Variants in CASC3 observed in about 807,000 individuals in gnomAD.
The protein encoded by CASC3 is CASC3 exon junction complex subunit.
A neutral mutation model predicts 80.5 loss-of-function variants in CASC3; 30 were observed. That is an observed-to-expected ratio of 0.37 (90% CI 0.28 to 0.51). CASC3 has a LOEUF of 0.51. Ranked by LOEUF, CASC3 falls within the 20% of genes least tolerant of loss-of-function variation. CASC3 has a pLI of 0.94. For missense variants in CASC3, 824 were observed against 922.2 expected (o/e 0.89, Z 1.38); for synonymous variants, 312 against 333.6 (o/e 0.94, Z 0.70).
intron 7 of CASC3, among the ~76,000 whole-genome samples, chr17:40,165,943 T>C (rs1182843939): frequency 6.6e-6 from 1 of 150,550 alleles, no homozygotes; most frequent in African/African-American, 2.5e-5. Context: ...TTTTTTTTAT[T>C]TTTTGAAAAG....
At chr17:40,167,797 T>G in intron 9 of CASC3, 53 bp from the exon 10 acceptor site, 1 of 1,498,266 alleles carries the variant, frequency 6.7e-7, no homozygotes, top group Admixed American at 1.7e-5. Flanking sequence ...ACAAGGAGAC[T>G]TGTCCATGTG....
chr17:40,140,721 C>T lies in CASC3; in HGVS notation c.173C>T (p.Ala58Val), dbSNP rs1027042678. The T allele has an allele frequency of 5.1e-6, 8 of 1,557,744 alleles. No individual in the cohort carries two copies. In the African/African-American group the frequency reaches 9.6e-5, roughly 19 times the overall value. Residue 58 changes from alanine (A) to valine (V), a missense_variant, in exon 1 of 14, where the codon GCC becomes GTC. Ala to Val is a moderately conservative substitution (Grantham distance 64). Around this residue, in one of 3 missense-constraint regions of CASC3, gnomAD observed 159 missense variants for 122.2 expected, o/e 1.30. Coordinates refer to ENST00000264645, the MANE Select transcript of CASC3 (RefSeq NM_007359.5). Reference protein sequence around the residue: ...LPSQRGGRTGALHLRRVESGG... With the variant: ...LPSQRGGRTGVLHLRRVESGG... ...TCACAGCGCGGAGGCCGAACCGGGG[C>T]CCTTCATCTGCGGCGGGTGGAGAGC...
intron 3 of CASC3, among the ~76,000 whole-genome samples, chr17:40,142,627 G>C (rs149186891): frequency 6.6e-6 from 1 of 152,082 alleles, no homozygotes; most frequent in Admixed American, 6.6e-5. Context: ...GGTGGCTCAC[G>C]CCTATAATCC....
intron 10 of CASC3, 68 bp downstream of exon 10, chr17:40,168,016 C>T: frequency 6.7e-7 from 1 of 1,489,190 alleles, no homozygotes; most frequent in Non-Finnish European, 9.4e-7. Context: ...GCCACAAAAC[C>T]CATCCTCCTG....
chr17:40,140,662 T>C lies in CASC3; in HGVS notation c.114T>C (p.Gly38=), dbSNP rs1322064379. 5 of 1,605,430 alleles carry C rather than the reference T, an allele frequency of 3.1e-6. No individual in the cohort carries two copies. In the South Asian group the frequency reaches 4.4e-5, roughly 14 times the overall value. ...TGCGGGGAGGCGGGAGCTGCAGCGG[T>C]AGCGCCGGAGGCGGCGGCAGCGGCT... is the stretch of plus-strand genomic sequence containing the variant. The part of the protein sequence containing the change: ...SPLRGGGSCS[G]SAGGGGSGSL... Residue 38 remains glycine (G), a synonymous_variant, in exon 1 of 14, where the codon GGT becomes GGC. Transcript: ENST00000264645.
rs746695725 is a variant in CASC3 at position 40,164,182 on chromosome 17, T to C, written c.1471+16T>C. 1.8e-5 allele frequency: 28 copies of C among 1,571,656 alleles called. No individual in the cohort carries two copies. The South Asian group carries it at 2.7e-4, about 15-fold the overall frequency. On this transcript the variant is annotated intron_variant, in intron 7 of 13. Coordinates refer to ENST00000264645, the MANE Select transcript of CASC3 (RefSeq NM_007359.5). Reference sequence around the variant, plus strand: ...GAACTTCGAGGTAGGTATCATAGGATTGGTGGCTAGCTTTTTCCCCTTTGC... The same window carrying C: ...GAACTTCGAGGTAGGTATCATAGGACTGGTGGCTAGCTTTTTCCCCTTTGC...
At chr17:40,163,372 T>C (rs1989356044) in intron 6 of CASC3, 109 bp from the exon 7 acceptor site, 1 of 857,810 alleles carries the variant, frequency 1.2e-6, no homozygotes, top group Non-Finnish European at 1.8e-6. Flanking sequence ...TGGCCTCAAG[T>C]GATCTGCCCG....
At chr17:40,150,829 G>A (rs1337752978) in intron 3 of CASC3, among the ~76,000 whole-genome samples, 1 of 152,026 alleles carries the variant, frequency 6.6e-6, no homozygotes, top group Non-Finnish European at 1.5e-5. Flanking sequence ...TGGCTAACAC[G>A]GTGAAACCCC....
rs1989381148 is a variant in CASC3 at position 40,164,079 on chromosome 17, C to T, written c.1384C>T (p.Leu462Phe). ...EAPVDSSTSG[L>F]EQDVAQLNIA... ...TCCGGTGGATTCTAGTACAAGTGGA[C>T]TTGAGCAAGATGTGGCACAACTAAA... The change falls in exon 7 of 14, where the codon CTT becomes TTT. Residue 462 changes from leucine to phenylalanine, a missense_variant. Physicochemically the swap from Leu to Phe is conservative, Grantham distance 22. Around this residue, in one of 3 missense-constraint regions of CASC3, gnomAD observed 464 missense variants for 506.0 expected, o/e 0.92. Transcript: ENST00000264645. 6.2e-7 allele frequency: 1 copy of T among 1,613,684 alleles called. No individual in the cohort carries two copies. The highest frequency in any genetic ancestry group is 1.7e-5 in the Admixed American group (1 of 59,980).
chr17:40,162,779 C>G lies in CASC3; in HGVS notation c.663C>G (p.Asp221Glu), dbSNP rs1598429069. Reference sequence around the variant, plus strand: ...AGGATGAGGGTCGCTGGGAGCATGACAAGTTCCGGGAAGATGAGCAGGCCC... The same window carrying G: ...AGGATGAGGGTCGCTGGGAGCATGAGAAGTTCCGGGAAGATGAGCAGGCCC... ...LWKDEGRWEH[D>E]KFREDEQAPK... The change falls in exon 6 of 14, where the codon GAC becomes GAG. Residue 221 changes from aspartate (D) to glutamate (E), a missense_variant. Physicochemically the swap from Asp to Glu is conservative, Grantham distance 45. This residue lies in a region of CASC3 where 201 missense variants were observed against 294.1 expected (regional missense o/e 0.68). Transcript: ENST00000264645. 6.2e-7 allele frequency: 1 copy of G among 1,613,992 alleles called. No individual in the cohort carries two copies. The highest frequency in any genetic ancestry group is 1.3e-5 in the African/African-American group (1 of 74,902).
intron 3 of CASC3, among the ~76,000 whole-genome samples, chr17:40,146,233 T>C (rs754118865): frequency 3.9e-5 from 6 of 152,050 alleles, no homozygotes; most frequent in Non-Finnish European, 5.9e-5. Context: ...ATAGTGAAAA[T>C]AGAAGTGGAC....
At chr17:40,156,569 G>T (rs925723675) in intron 3 of CASC3, among the ~76,000 whole-genome samples, 6 of 151,962 alleles carry the variant, frequency 3.9e-5, no homozygotes, top group African/African-American at 1.5e-4. Context: ...GGCGCCTGTA[G>T]TCCCACCTAC....
chr17:40,158,248 A>AT (rs1242789510), intron 3 of CASC3, among the ~76,000 whole-genome samples: 2 of 152,172 alleles, frequency 1.3e-5, no homozygotes, highest in Non-Finnish European at 2.9e-5. Context: ...TCAATCAGGA[A>AT]TTCAGGAATC....
At chr17:40,160,190 C>G (rs1422404114) in intron 3 of CASC3, among the ~76,000 whole-genome samples, 2 of 152,138 alleles carry the variant, frequency 1.3e-5, no homozygotes, top group African/African-American at 4.8e-5. Context: ...TTAGGCACTG[C>G]ATGTTTAAGA....
intron 3 of CASC3, among the ~76,000 whole-genome samples, chr17:40,155,229 C>T (rs375674937): frequency 8.7e-4 from 131 of 151,108 alleles, no homozygotes; most frequent in African/African-American, 2.8e-3. Context: ...GTCCATGACT[C>T]GGGTGTTTAT....
chr17:40,161,914 T>G lies in CASC3; in HGVS notation c.456+3T>G. 1.9e-6 allele frequency: 3 copies of G among 1,613,994 alleles called. No individual in the cohort carries two copies. On this transcript the variant is annotated splice_donor_region_variant and intron_variant, in intron 4 of 13. Coordinates refer to ENST00000264645, the MANE Select transcript of CASC3 (RefSeq NM_007359.5). ...AGAGGCAAAGTGGGGACGGACAGGT[T>G]AGTACATTCCACAGTCCTCCATTTT...
At chr17:40,159,987 A>T (rs1251592884) in intron 3 of CASC3, among the ~76,000 whole-genome samples, 1 of 151,990 alleles carries the variant, frequency 6.6e-6, no homozygotes, top group Admixed American at 6.6e-5. Context: ...GAGTGTTGGG[A>T]TTACAGGCGT....
intron 2 of CASC3, 52 bp downstream of exon 2, chr17:40,141,286 T>G: frequency 6.6e-7 from 1 of 1,517,984 alleles, no homozygotes; most frequent in Non-Finnish European, 9.1e-7. Context: ...TAACATAAAC[T>G]CAGGTCATCT....
rs1002289165 is a variant in CASC3 at position 40,164,486 on chromosome 17, T to C, written c.1471+320T>C. ...TGTTTTGAGATGGAGTCTTGCTCTG[T>C]TGCCTAAGCTAGATGCAGTGGCACG... is the stretch of plus-strand genomic sequence containing the variant. On this transcript the variant is annotated intron_variant, in intron 7 of 13. Transcript: ENST00000264645. Among the ~76,000 whole-genome samples, 9 of 151,842 alleles carry C rather than the reference T, an allele frequency of 5.9e-5. 1 individual carries two copies. Among genetic ancestry groups the C allele is most frequent in the Admixed American group, 5.9e-4 (9 of 15,234 alleles).
Sources: allele counts gnomAD v4.1 joint callset (sites outside exome capture counted in the v4.1 genomes callset), GRCh38; gene constraint gnomAD v4.1.1; regional missense constraint gnomAD v4.1.1; transcripts MANE v1.5; gene names NCBI Gene and HGNC (gene_info 2026-07-23, HGNC 2026-07-21).